CRACD: variants seen among roughly 807,000 people sequenced by gnomAD.
CRACD encodes the protein capping protein inhibiting regulator of actin dynamics.
In CRACD, 56 loss-of-function variants were observed where a neutral mutation model predicts 106.8. The observed-to-expected ratio is 0.52, with a 90% CI of 0.42 to 0.66. The LOEUF (loss-of-function observed/expected upper bound fraction) is 0.66. Among genes scored for constraint, CRACD ranks in the 30% least tolerant of loss-of-function variants. CRACD has a pLI of 0.00. For synonymous variants in CRACD, 754 were observed against 670.8 expected, an observed-to-expected ratio of 1.12 and a Z score of -1.92; for missense variants, 1,730 against 1,623.2, an observed-to-expected ratio of 1.07 and a Z score of -1.13.
intron 2 of CRACD, among the ~76,000 whole-genome samples, chr4:56,222,162 G>A (rs1301538371): frequency 6.6e-6 from 1 of 152,112 alleles, no homozygotes; most frequent in Non-Finnish European, 1.5e-5. Flanking sequence ...ACCAATGAAT[G>A]GATAAAGAAA....
chr4:56,303,693 A>G (rs572933951), intron 4 of CRACD, among the ~76,000 whole-genome samples: 2 of 152,240 alleles, frequency 1.3e-5, no homozygotes, highest in Admixed American at 6.5e-5. Flanking sequence ...AGGAGGTACC[A>G]CAGGGAGAGC....
At chr4:56,148,889 C>T (rs1480059563) in intron 1 of CRACD, among the ~76,000 whole-genome samples, 5 of 151,276 alleles carry the variant, frequency 3.3e-5, no homozygotes, top group Admixed American at 6.6e-5. Flanking sequence ...GATCTCGGCT[C>T]GCTGCAACTG....
intron 2 of CRACD, among the ~76,000 whole-genome samples, chr4:56,202,590 A>G (rs1308062364): frequency 1.3e-5 from 2 of 152,172 alleles, no homozygotes; most frequent in Non-Finnish European, 1.5e-5. Context: ...GATTACAGCA[A>G]TTTGAGCTAG....
intron 4 of CRACD, among the ~76,000 whole-genome samples, chr4:56,303,500 C>T (rs1744491643): frequency 1.3e-5 from 2 of 152,212 alleles, no homozygotes; most frequent in Admixed American, 1.3e-4. Flanking sequence ...CCTCTCATGA[C>T]AATGCCTGAG....
In CRACD at chr4:56,255,028, C is replaced by A. The variant is rs189729107; in HGVS notation, c.-188-17293C>A. Among the ~76,000 whole-genome samples, 776 of 147,724 alleles carry A rather than the reference C, an allele frequency of 5.3e-3. 14 individuals carry two copies. The highest frequency in any genetic ancestry group is 8.9e-3 in the Admixed American group (129 of 14,446). On this transcript the variant is annotated intron_variant, in intron 2 of 10. Transcript: ENST00000682029. The stretch of plus-strand genomic sequence containing the variant: ...ACTCGGGAGACTGAGGCAGGCAAAT[C>A]ACTTGAACCCAGGAGGCAGAAGTTG...
chr4:56,071,979 T>A (rs947686975), intron 1 of CRACD, among the ~76,000 whole-genome samples: 5 of 151,548 alleles, frequency 3.3e-5, no homozygotes, highest in African/African-American at 1.2e-4. Flanking sequence ...ATACAAAAAA[T>A]TAGCCGGGCG....
At chr4:56,307,816 A>T (rs1744840358) in intron 5 of CRACD, 117 bp downstream of exon 5, 2 of 1,015,366 alleles carry the variant, frequency 2.0e-6, no homozygotes, top group South Asian at 3.2e-5. Flanking sequence ...TCTCATGAGT[A>T]GCTCAGGGCT....
intron 3 of CRACD, among the ~76,000 whole-genome samples, chr4:56,282,933 C>T (rs1743113588): frequency 6.6e-6 from 1 of 152,184 alleles, no homozygotes; most frequent in Admixed American, 6.5e-5. Context: ...CTTCCTGACG[C>T]CTCTCCGCTC....
intron 1 of CRACD, among the ~76,000 whole-genome samples, chr4:56,170,856 G>A (rs145012842): frequency 1.3e-5 from 2 of 152,090 alleles, no homozygotes; most frequent in African/African-American, 4.8e-5. Flanking sequence ...ACTATTACAT[G>A]AATAATGGGG....
chr4:56,315,099 A>G lies in CRACD; in HGVS notation c.1597A>G (p.Met533Val), dbSNP rs1384490871. Reference sequence around the variant, plus strand: ...GCAGGAGGTGGACGAGAGACAGACCATGCCCCGGCCCTACACGTTCCAGGT... The same window carrying G: ...GCAGGAGGTGGACGAGAGACAGACCGTGCCCCGGCCCTACACGTTCCAGGT... ...RWQEVDERQT[M>V]PRPYTFQVSS... Residue 533 changes from methionine (M) to valine (V), a missense_variant, in exon 8 of 11, where the codon ATG (methionine) becomes GTG (valine). Coordinates refer to ENST00000682029, the MANE Select transcript of CRACD (RefSeq NM_001393381.1). This position sits in a 1 kb window ranked among gnomAD's most constrained non-coding sequence, Gnocchi z 4.1. 3.1e-6 allele frequency: 5 copies of G among 1,611,340 alleles called. No individual in the cohort carries two copies. Among genetic ancestry groups the G allele is most frequent in the South Asian group, 1.1e-5 (1 of 90,196 alleles).
intron 1 of CRACD, among the ~76,000 whole-genome samples, chr4:56,166,317 A>G (rs1736142434): frequency 1.3e-5 from 2 of 152,222 alleles, no homozygotes; most frequent in Admixed American, 1.3e-4. Context: ...TTGCAGTGCT[A>G]TTTTAAAAAA....
chr4:56,263,852 T>C (rs769099696), intron 2 of CRACD, among the ~76,000 whole-genome samples: 41 of 152,204 alleles, frequency 2.7e-4, no homozygotes, highest in Middle Eastern at 3.4e-3. Flanking sequence ...TTTAAGGACA[T>C]AGGTCTTGAA....
At chr4:56,125,291 A>G (rs1307379449) in intron 1 of CRACD, among the ~76,000 whole-genome samples, 2 of 152,120 alleles carry the variant, frequency 1.3e-5, no homozygotes, top group Non-Finnish European at 2.9e-5. Flanking sequence ...ATTAGCTAGT[A>G]TTCTCCTGTA....
In CRACD at chr4:56,314,880, C is replaced by T. The variant is rs763762690; in HGVS notation, c.1378C>T (p.Arg460Trp). 1.2e-6 allele frequency: 2 copies of T among 1,611,192 alleles called. No individual in the cohort carries two copies. The highest frequency in any genetic ancestry group is 2.2e-5 in the South Asian group (2 of 90,090). Residue 460 changes from arginine to tryptophan, a missense_variant, in exon 8 of 11, where the codon CGG (arginine) becomes TGG (tryptophan). Arg to Trp is a moderately radical substitution (Grantham distance 101). Transcript: ENST00000682029. This position sits in a 1 kb window ranked among gnomAD's most constrained non-coding sequence, Gnocchi z 4.4. ...ICEEQNPEAE[R>W]RREQQGRSGD... Reference sequence around the variant, plus strand: ...CGAGGAGCAGAACCCAGAGGCCGAGCGGCGAAGAGAGCAGCAGGGAAGGAG... The same window carrying T: ...CGAGGAGCAGAACCCAGAGGCCGAGTGGCGAAGAGAGCAGCAGGGAAGGAG...
At chr4:56,309,001 A>C in intron 5 of CRACD, 4 of 715,240 alleles carry the variant, frequency 5.6e-6, no homozygotes, top group Non-Finnish European at 8.6e-6. Flanking sequence ...TTTACACCCT[A>C]ATGAGAGGGT....
At chr4:56,322,368 C>T (rs539695197) in intron 8 of CRACD, among the ~76,000 whole-genome samples, 3 of 152,210 alleles carry the variant, frequency 2.0e-5, no homozygotes, top group Non-Finnish European at 4.4e-5. Flanking sequence ...TCCAGGTCTG[C>T]TCAATTTTAG....
At chr4:56,308,234 A>G (rs980087256) in intron 5 of CRACD, among the ~76,000 whole-genome samples, 1 of 152,226 alleles carries the variant, frequency 6.6e-6, no homozygotes, top group African/African-American at 2.4e-5. Flanking sequence ...TAGGGGCTCC[A>G]TGAGATAGAA....
At chr4:56,275,549 A>G (rs189182531) in intron 3 of CRACD, among the ~76,000 whole-genome samples, 257 of 152,372 alleles carry the variant, frequency 1.7e-3, no homozygotes, top group African/African-American at 5.7e-3. Context: ...TCACCTACAA[A>G]GTAAATACTA....
intron 2 of CRACD, among the ~76,000 whole-genome samples, chr4:56,216,528 C>T (rs946225414): frequency 1.6e-4 from 24 of 152,160 alleles, no homozygotes; most frequent in African/African-American, 4.8e-4. Context: ...TAGGAACTTC[C>T]GATCTATTCA....
Sources: allele counts gnomAD v4.1 joint callset (sites outside exome capture counted in the v4.1 genomes callset), GRCh38; gene constraint gnomAD v4.1.1; non-coding constraint Gnocchi (gnomAD v3.1); transcripts MANE v1.5; gene names NCBI Gene and HGNC (gene_info 2026-07-23, HGNC 2026-07-21).